RORA: variants seen among roughly 807,000 people sequenced by gnomAD.
RORA encodes the protein nuclear receptor ROR-alpha.
Under a neutral mutation model 69.5 loss-of-function variants are expected in RORA, and 7 were observed. That is an observed-to-expected ratio of 0.10 (90% CI 0.06 to 0.19). The LOEUF is 0.19. RORA is among the 10% of genes least tolerant of loss of function. The pLI, the probability that RORA is intolerant of heterozygous loss-of-function variation, is 1.00. For missense variants in RORA, 457 were observed against 663.0 expected (o/e 0.69, Z 3.41); for synonymous variants, 261 against 240.8 (o/e 1.08, Z -0.78).
chr15:60,516,001 T>G (rs1407000531), intron 3 of RORA, among the ~76,000 whole-genome samples: 2 of 16,690 alleles, frequency 1.2e-4, no homozygotes, highest in Non-Finnish European at 2.0e-4. Flanking sequence ...TTATATATAT[T>G]TATATATATT....
chr15:60,625,125 T>A (rs1156696016), intron 2 of RORA, among the ~76,000 whole-genome samples: 1 of 152,056 alleles, frequency 6.6e-6, no homozygotes, highest in Non-Finnish European at 1.5e-5. Context: ...TCAACCAAGC[T>A]CCAATGGAGA....
chr15:60,681,760 G>A (rs2070645658), intron 1 of RORA: 1 of 152,148 alleles, frequency 6.6e-6, no homozygotes, highest in Non-Finnish European at 1.5e-5. Context: ...ACCAGGAGGA[G>A]AGGTCAGCCT....
chr15:60,838,952 G>C (rs1220560918), intron 1 of RORA, among the ~76,000 whole-genome samples: 1 of 150,284 alleles, frequency 6.7e-6, no homozygotes, highest in Non-Finnish European at 1.5e-5. Flanking sequence ...GCAGTGGCGC[G>C]ATCTCTCCTC....
At chr15:60,644,429 G>A (rs913237828) in intron 2 of RORA, among the ~76,000 whole-genome samples, 2 of 152,136 alleles carry the variant, frequency 1.3e-5, no homozygotes, top group Non-Finnish European at 2.9e-5. Context: ...GTCTCTTCTT[G>A]GAAGAAGATT....
chr15:61,125,973 T>C (rs1381995535), intron 1 of RORA, among the ~76,000 whole-genome samples: 3 of 152,240 alleles, frequency 2.0e-5, no homozygotes, highest in African/African-American at 7.2e-5. Context: ...ATGATACCAA[T>C]TGACATAAGT....
At chr15:60,739,341 G>C (rs752200125) in intron 1 of RORA, among the ~76,000 whole-genome samples, 3 of 152,154 alleles carry the variant, frequency 2.0e-5, no homozygotes, top group Non-Finnish European at 4.4e-5. Context: ...GGGAGGCCCA[G>C]GTGGGTGGAT....
At chr15:61,004,609 G>T (rs1894855148) in intron 1 of RORA, among the ~76,000 whole-genome samples, 1 of 152,056 alleles carries the variant, frequency 6.6e-6, no homozygotes, top group Non-Finnish European at 1.5e-5. Flanking sequence ...TCCTCTGTCA[G>T]TTATTGATTA....
At chr15:60,509,990 C>A in intron 5 of RORA, among the ~76,000 whole-genome samples, 1 of 152,092 alleles carries the variant, frequency 6.6e-6, no homozygotes, top group East Asian at 1.9e-4. Context: ...AAAGAACATT[C>A]AATTTGTTCT....
At chr15:60,729,126 G>A (rs2071398778) in intron 1 of RORA, among the ~76,000 whole-genome samples, 1 of 152,008 alleles carries the variant, frequency 6.6e-6, no homozygotes, top group African/African-American at 2.4e-5. Context: ...CCCGTTTTTG[G>A]TGTCCCTTGC....
Position 61,229,061 on chromosome 15 carries a change from G to C in RORA, c.158C>G (p.Thr53Ser). ...APVRRQSYSS[T>S]SRGISVTKKT... ...CCTCTCCAGCCTCCTACCTCTGCTG[G>C]TGCTGGAATAGCTCTGTCTGCGCAC... The change falls in exon 1 of 11, where the codon ACC becomes AGC. Residue 53 changes from threonine to serine, a missense_variant. Thr to Ser is a moderately conservative substitution (Grantham distance 58). Coordinates refer to ENST00000335670, the MANE Select transcript of RORA (RefSeq NM_134261.3). The C allele has an allele frequency of 6.5e-7, 1 of 1,526,966 alleles. No individual in the cohort carries two copies. Among genetic ancestry groups the C allele is most frequent in the Non-Finnish European group, 8.8e-7 (1 of 1,137,326 alleles). 94.6% of individuals were successfully genotyped at this position (1,526,966 alleles called of 1,614,324 possible).
intron 1 of RORA, among the ~76,000 whole-genome samples, chr15:60,821,494 T>C (rs1034756570): frequency 3.9e-5 from 6 of 152,248 alleles, no homozygotes; most frequent in African/African-American, 1.4e-4. Context: ...ACGTGACTAG[T>C]AACTCACCAC....
intron 1 of RORA, among the ~76,000 whole-genome samples, chr15:61,189,414 C>T (rs1321494527): frequency 6.6e-6 from 1 of 152,140 alleles, no homozygotes; most frequent in Non-Finnish European, 1.5e-5. Context: ...TCTTCTCCAG[C>T]CTGTCTATCT....
At chr15:60,656,888 A>T (rs1469142162) in intron 2 of RORA, among the ~76,000 whole-genome samples, 1 of 152,228 alleles carries the variant, frequency 6.6e-6, no homozygotes, top group Non-Finnish European at 1.5e-5. Context: ...TTAAGCTGTG[A>T]TAGAGGAAAG....
At chr15:60,950,489 C>G (rs1170368515) in intron 1 of RORA, among the ~76,000 whole-genome samples, 2 of 124,636 alleles carry the variant, frequency 1.6e-5, no homozygotes, top group African/African-American at 6.2e-5. Context: ...AAGACACAGA[C>G]TGGCAAATTG....
intron 1 of RORA, among the ~76,000 whole-genome samples, chr15:60,996,335 G>A (rs1394422510): frequency 1.3e-5 from 2 of 152,092 alleles, no homozygotes; most frequent in African/African-American, 4.8e-5. Flanking sequence ...GCCTCCCAAA[G>A]TGCTAGGATT....
intron 1 of RORA, among the ~76,000 whole-genome samples, chr15:60,960,403 G>C (rs1342924994): frequency 2.0e-5 from 3 of 152,168 alleles, no homozygotes; most frequent in African/African-American, 7.2e-5. Flanking sequence ...AGTAGCAGCT[G>C]AGATAGCACT....
rs112972181 is a variant in RORA, at chr15:60,706,600, T to C, written c.167-27914A>G. 2.7e-3 allele frequency among the ~76,000 whole-genome samples: 417 copies of C among 152,324 alleles called. 2 individuals carry two copies. Among genetic ancestry groups the C allele is most frequent in the African/African-American group, 9.6e-3 (399 of 41,564 alleles). On this transcript the variant is annotated intron_variant, in intron 1 of 10. Transcript: ENST00000335670. ...GAGTCTTGAGAGAGGGAAGTATTTG[T>C]CCTGCTGCAAGTGCTGCTCCATTTC...
At chr15:60,998,978 A>G (rs1894659549) in intron 1 of RORA, among the ~76,000 whole-genome samples, 1 of 152,110 alleles carries the variant, frequency 6.6e-6, no homozygotes, top group Non-Finnish European at 1.5e-5. Context: ...GAAGACAGCT[A>G]AACTGGAGTG....
intron 1 of RORA, among the ~76,000 whole-genome samples, chr15:60,727,512 T>C (rs1394580057): frequency 6.6e-6 from 1 of 152,186 alleles, no homozygotes; most frequent in African/African-American, 2.4e-5. Flanking sequence ...TGATCCCTTA[T>C]GAACCAAAGC....
Sources: allele counts gnomAD v4.1 joint callset (sites outside exome capture counted in the v4.1 genomes callset), GRCh38; gene constraint gnomAD v4.1.1; transcripts MANE v1.5; gene names NCBI Gene and HGNC (gene_info 2026-07-23, HGNC 2026-07-21).